ZNRF2: variants seen among roughly 807,000 people sequenced by gnomAD.
ZNRF2 encodes zinc and ring finger 2, also known as E3 ubiquitin-protein ligase ZNRF2.
A neutral mutation model predicts 20.4 loss-of-function variants in ZNRF2; 16 were observed. The observed-to-expected ratio is 0.79, with a 90% CI of 0.53 to 1.19. The LOEUF (loss-of-function observed/expected upper bound fraction) is 1.19, where lower values mean the gene tolerates loss of function less well. ZNRF2 is among the 50% of genes most tolerant of loss of function. The pLI is 0.00. For missense variants in ZNRF2, 363 were observed against 332.4 expected (o/e 1.09, Z -0.72); for synonymous variants, 178 against 144.9 (o/e 1.23, Z -1.64).
At chr7:30,307,614 C>T (rs1799230985) in intron 1 of ZNRF2, among the ~76,000 whole-genome samples, 1 of 151,816 alleles carries the variant, frequency 6.6e-6, no homozygotes, top group Non-Finnish European at 1.5e-5. Context: ...GTTGTTATTT[C>T]TTGTTTCACA....
At chr7:30,293,078 C>G (rs9918612) in intron 1 of ZNRF2, among the ~76,000 whole-genome samples, 3,784 of 152,066 alleles carry the variant, frequency 0.025, 174 homozygotes, top group African/African-American at 0.086. Context: ...CCAGATTCTG[C>G]ATATCCCGTG....
Position 30,285,542 on chromosome 7 carries a change from C to A in ZNRF2, c.185C>A (p.Ser62Tyr). The change falls in exon 1 of 5, where the codon TCC becomes TAC. Residue 62 changes from serine to tyrosine, a missense_variant. Transcript: ENST00000323037. ...QVPSAHQPSASGGAAAAAAAP... is the reference protein window; with the variant it reads ...QVPSAHQPSAYGGAAAAAAAP... ...CCCAGCGCGCACCAGCCCAGCGCCT[C>A]CGGCGGCGCCGCGGCGGCCGCGGCG... 2 of 979,476 alleles carry A rather than the reference C, an allele frequency of 2.0e-6. No individual in the cohort carries two copies. Among genetic ancestry groups the A allele is most frequent in the South Asian group, 4.6e-5 (1 of 21,868 alleles). The allele number at this position is 979,476 out of a possible 1,614,324, so 60.7% of individuals were successfully genotyped here.
intron 1 of ZNRF2, among the ~76,000 whole-genome samples, chr7:30,306,723 T>C (rs968127550): frequency 6.6e-6 from 1 of 152,152 alleles, no homozygotes; most frequent in Non-Finnish European, 1.5e-5. Context: ...AAGTTGCACA[T>C]TGACTTGCCT....
intron 2 of ZNRF2, among the ~76,000 whole-genome samples, chr7:30,348,557 C>A (rs1799913716): frequency 6.6e-6 from 1 of 152,144 alleles, no homozygotes; most frequent in African/African-American, 2.4e-5. Context: ...TGAGCATTCA[C>A]AAATGAGAAT....
rs979133869 is a variant in ZNRF2, at chr7:30,284,989, A to G, written c.-369A>G. On this transcript the variant is annotated 5_prime_UTR_variant, in exon 1 of 5. Transcript: ENST00000323037. ...GGCGGTGCCGAGATCGGGGGCGCCG[A>G]GCGCGGCAGCAGAGAGCGGTAGCGG... 1.2e-5 allele frequency: 4 copies of G among 345,262 alleles called. No homozygotes were observed. In the Admixed American group the frequency reaches 1.6e-4, roughly 14 times the overall value. The allele number at this position is 345,262 out of a possible 1,614,324, so 21.4% of individuals were successfully genotyped here. A position where few individuals can be genotyped will look rare whatever the true frequency, so the allele number is the denominator to read the frequency against.
At chr7:30,292,415 C>A (rs949983633) in intron 1 of ZNRF2, among the ~76,000 whole-genome samples, 1 of 152,026 alleles carries the variant, frequency 6.6e-6, no homozygotes, top group Non-Finnish European at 1.5e-5. Flanking sequence ...ACGCGCTTTT[C>A]CGGACACTAT....
intron 1 of ZNRF2, among the ~76,000 whole-genome samples, chr7:30,294,835 G>A (rs1462924443): frequency 2.6e-5 from 4 of 151,980 alleles, no homozygotes; most frequent in African/African-American, 4.8e-5. Flanking sequence ...CCTTTCAGTT[G>A]TAAAGGATAG....
At chr7:30,357,034 A>G (rs1363102046) in intron 3 of ZNRF2, among the ~76,000 whole-genome samples, 2 of 152,240 alleles carry the variant, frequency 1.3e-5, no homozygotes, top group African/African-American at 4.8e-5. Flanking sequence ...AAACCCTCAG[A>G]CGAAACTGAC....
chr7:30,297,074 CT>C (rs1488920254), intron 1 of ZNRF2, among the ~76,000 whole-genome samples: 3 of 152,144 alleles, frequency 2.0e-5, no homozygotes, highest in Non-Finnish European at 4.4e-5. Context: ...CACTTGGCTG[CT>C]TTTCTTTTCC....
intron 1 of ZNRF2, among the ~76,000 whole-genome samples, chr7:30,309,294 A>G (rs1430985133): frequency 2.6e-5 from 4 of 152,092 alleles, no homozygotes; most frequent in Non-Finnish European, 5.9e-5. Context: ...TGTTTCAACA[A>G]TCAGAGTCAA....
intron 2 of ZNRF2, among the ~76,000 whole-genome samples, chr7:30,337,142 A>G (rs1486807200): frequency 2.0e-5 from 3 of 152,062 alleles, no homozygotes; most frequent in African/African-American, 7.2e-5. Context: ...GGTTTTATGT[A>G]TTTCATAACT....
intron 1 of ZNRF2, among the ~76,000 whole-genome samples, chr7:30,289,624 T>A (rs1414919934): frequency 6.6e-6 from 1 of 152,212 alleles, no homozygotes; most frequent in Non-Finnish European, 1.5e-5. Flanking sequence ...ACTTGTAATT[T>A]CATACCTTCG....
At chr7:30,339,325 G>A (rs1041593243) in intron 2 of ZNRF2, among the ~76,000 whole-genome samples, 1 of 152,148 alleles carries the variant, frequency 6.6e-6, no homozygotes, top group Non-Finnish European at 1.5e-5. Flanking sequence ...TGGTGTTTTA[G>A]TCATGAAGTT....
chr7:30,352,584 T>C (rs927513695), intron 2 of ZNRF2, among the ~76,000 whole-genome samples: 1 of 152,078 alleles, frequency 6.6e-6, no homozygotes, highest in Admixed American at 6.6e-5. Flanking sequence ...GCAACATGTT[T>C]AGTTCCCTGT....
chr7:30,284,830 C>T lies in ZNRF2; in HGVS notation c.-528C>T, dbSNP rs1003821477. 1.0e-5 allele frequency: 2 copies of T among 194,654 alleles called. No homozygotes were observed. The highest frequency in any genetic ancestry group is 4.8e-5 in the African/African-American group (2 of 41,608). 12.1% of individuals were successfully genotyped at this position (194,654 alleles called of 1,614,324 possible). A position where few individuals can be genotyped will look rare whatever the true frequency, so the allele number is the denominator to read the frequency against. On this transcript the variant is annotated 5_prime_UTR_variant, in exon 1 of 5. Transcript: ENST00000323037. ...GCGCCACCCGTTTTTCCTCTTTCTC[C>T]GTTAATAACAGCTGGGTGGCTGGGG...
intron 2 of ZNRF2, among the ~76,000 whole-genome samples, chr7:30,326,863 G>C (rs548421349): frequency 2.0e-5 from 3 of 152,060 alleles, no homozygotes; most frequent in African/African-American, 2.4e-5. Context: ...TTGTGGTTTT[G>C]ATTTGCATTT....
At chr7:30,335,842 G>A (rs1182480081) in intron 2 of ZNRF2, among the ~76,000 whole-genome samples, 7 of 152,132 alleles carry the variant, frequency 4.6e-5, no homozygotes, top group African/African-American at 1.2e-4. Context: ...AGACTAGTTC[G>A]GAGATTGGTT....
intron 2 of ZNRF2, among the ~76,000 whole-genome samples, chr7:30,350,364 G>A (rs1307875797): frequency 6.6e-6 from 1 of 151,962 alleles, no homozygotes; most frequent in Non-Finnish European, 1.5e-5. Context: ...GTTTCTAACA[G>A]TGCAGATGAA....
At chr7:30,357,314 A>T (rs1341634452) in intron 3 of ZNRF2, among the ~76,000 whole-genome samples, 2 of 152,216 alleles carry the variant, frequency 1.3e-5, no homozygotes, top group African/African-American at 4.8e-5. Context: ...AGGATGCTGT[A>T]CACTGACTAC....
Sources: allele counts gnomAD v4.1 joint callset (sites outside exome capture counted in the v4.1 genomes callset), GRCh38; gene constraint gnomAD v4.1.1; transcripts MANE v1.5; gene names NCBI Gene and HGNC (gene_info 2026-07-23, HGNC 2026-07-21).